The following PIK3C2B variants were observed in gnomAD, a reference collection of about 807,000 sequenced individuals.
The protein encoded by PIK3C2B is phosphatidylinositol 4-phosphate 3-kinase C2 domain-containing subunit beta.
Under a neutral mutation model 184.3 loss-of-function variants are expected in PIK3C2B, and 83 were observed. The observed-to-expected ratio is 0.45, with a 90% CI of 0.38 to 0.54. The LOEUF (loss-of-function observed/expected upper bound fraction) is 0.54, where lower values mean the gene tolerates loss of function less well. Among genes scored for constraint, PIK3C2B ranks in the 20% least tolerant of loss-of-function variants. The probability of loss-of-function intolerance (pLI) is 0.00; values close to 1 mark genes in which losing one functional copy is unlikely to be tolerated. For synonymous variants in PIK3C2B, 779 were observed against 837.6 expected, an observed-to-expected ratio of 0.93 and a Z score of 1.21; for missense variants, 1,736 against 2,113.5, an observed-to-expected ratio of 0.82 and a Z score of 3.50.
rs1654125870 is a variant in PIK3C2B, at chr1:204,449,126, A to T, written c.2346+59T>A. Reference sequence around the variant, plus strand: ...CCCAGCCCAAATCTCCAGGAGAAAAATGTAGAGTTGACTGGAATGGTCTTG... The same window carrying T: ...CCCAGCCCAAATCTCCAGGAGAAAATTGTAGAGTTGACTGGAATGGTCTTG... On this transcript the variant is annotated intron_variant, in intron 14 of 32. Transcript: ENST00000684373. 5 of 1,202,646 alleles carry T rather than the reference A, an allele frequency of 4.2e-6. No homozygotes were observed. The Admixed American group carries it at 9.6e-5, about 23-fold the overall frequency. The allele number at this position is 1,202,646 out of a possible 1,614,324, so 74.5% of individuals were successfully genotyped here.
intron 12 of PIK3C2B, among the ~76,000 whole-genome samples, chr1:204,453,861 C>T (rs1018847312): frequency 3.8e-4 from 58 of 151,814 alleles, no homozygotes; most frequent in African/African-American, 1.1e-3. Flanking sequence ...ACAACCTCCA[C>T]CTCCCGGGTT....
In PIK3C2B at chr1:204,449,890, C is replaced by T. The variant is rs772038601; in HGVS notation, c.2194G>A (p.Ala732Thr). Residue 732 changes from alanine (A) to threonine (T), a missense_variant, in exon 13 of 33, where the codon GCC becomes ACC. Ala to Thr is a moderately conservative substitution (Grantham distance 58). This residue lies in a region of PIK3C2B where 609 missense variants were observed against 699.2 expected (regional missense o/e 0.87). Transcript: ENST00000684373. ...EANKQRRVPEALGWVTTPLFN... is the reference protein window; with the variant it reads ...EANKQRRVPETLGWVTTPLFN... ...AGTGGGGTAGTGACCCAGCCCAGGG[C>T]TTCAGGCACCCGCCGCTGCTTATTG... The T allele has an allele frequency of 3.7e-6, 6 of 1,613,184 alleles. No individual in the cohort carries two copies. Among genetic ancestry groups the T allele is most frequent in the Non-Finnish European group, 5.1e-6 (6 of 1,179,512 alleles).
At chr1:204,451,692 T>C (rs530970905) in intron 12 of PIK3C2B, among the ~76,000 whole-genome samples, 3 of 152,368 alleles carry the variant, frequency 2.0e-5, no homozygotes, top group African/African-American at 4.8e-5. Flanking sequence ...ACTTGCATGA[T>C]GTGTGTGCAG....
At position 204,443,666 on chromosome 1, in the gene PIK3C2B, G is replaced by C. The variant is rs190106646; in HGVS notation, c.2868-69C>G. The C allele has an allele frequency of 1.4e-4, 207 of 1,437,222 alleles. 1 individual carries two copies. The African/African-American group carries it at 2.5e-3, about 18-fold the overall frequency. The allele number at this position is 1,437,222 out of a possible 1,614,324, so 89.0% of individuals were successfully genotyped here. ...AAAGGCAAGGGTACAGGGGGAGACA[G>C]AGTCAGGCCCAGCTCCAACTCACTG... On this transcript the variant is annotated intron_variant, in intron 18 of 32. Coordinates refer to ENST00000684373, the MANE Select transcript of PIK3C2B (RefSeq NM_001377334.1).
intron 5 of PIK3C2B, among the ~76,000 whole-genome samples, chr1:204,463,763 CT>C (rs1202484566): frequency 2.0e-5 from 3 of 151,104 alleles, no homozygotes; most frequent in African/African-American, 7.3e-5. Context: ...CAGATATGAC[CT>C]AGTCTTTGCC....
intron 1 of PIK3C2B, among the ~76,000 whole-genome samples, chr1:204,491,307 T>C (rs772628918): frequency 6.6e-6 from 1 of 151,830 alleles, no homozygotes; most frequent in East Asian, 1.9e-4. Flanking sequence ...AAGAATCCCT[T>C]GAACCTGGGA....
chr1:204,465,086 C>A, intron 3 of PIK3C2B, 133 bp downstream of exon 3: 1 of 668,520 alleles, frequency 1.5e-6, no homozygotes, highest in Admixed American at 2.5e-5. Flanking sequence ...TTGTAGGAAG[C>A]ATTTTCATAG....
chr1:204,452,292 T>TTA (rs975288202), intron 12 of PIK3C2B, among the ~76,000 whole-genome samples: 2 of 127,770 alleles, frequency 1.6e-5, no homozygotes, highest in Non-Finnish European at 3.3e-5. Context: ...AGCACCCTTT[T>TTA]TTTTTTTTTT....
rs917248111 is a variant in PIK3C2B at position 204,469,671 on chromosome 1, C to T, written c.132G>A (p.Lys44=). 6.2e-7 allele frequency: 1 copy of T among 1,613,888 alleles called. No individual in the cohort carries two copies. Among genetic ancestry groups the T allele is most frequent in the African/African-American group, 1.3e-5 (1 of 74,898 alleles). ...YDALSRLRHD[K]EENRAKQNAD... is the part of the protein sequence containing the mutation. ...CGTTCTGCTTGGCTCTGTTCTCCTC[C>T]TTGTCATGCCGGAGCCGGGACAGGG... Residue 44 remains lysine, a synonymous_variant, in exon 2 of 33, where the codon AAG becomes AAA. Transcript: ENST00000684373.
At chr1:204,485,185 A>C (rs2103536108) in intron 1 of PIK3C2B, among the ~76,000 whole-genome samples, 1 of 152,200 alleles carries the variant, frequency 6.6e-6, no homozygotes, top group South Asian at 2.1e-4. Flanking sequence ...AGTGGCTGGA[A>C]TTACAGGGGT....
At chr1:204,427,787 G>A in intron 30 of PIK3C2B, 33 bp from the exon 31 acceptor site, 6 of 1,483,494 alleles carry the variant, frequency 4.0e-6, no homozygotes, top group Non-Finnish European at 4.7e-6. Flanking sequence ...GAAGGGTCAA[G>A]AGGCCAGGCA....
Position 204,438,981 on chromosome 1 carries a change from G to T in PIK3C2B, c.3470C>A (p.Ala1157Glu). 6.2e-7 allele frequency: 1 copy of T among 1,614,072 alleles called. No homozygotes were observed. Among genetic ancestry groups the T allele is most frequent in the Non-Finnish European group, 8.5e-7 (1 of 1,180,038 alleles). ...AGGGTTGTGTTTCTGCAGCCAGTCT[G>T]CCAGGGGCCGGTCCTTGAACGAGCC... ...VTGSFKDRPL[A>E]DWLQKHNPGE... is the part of the protein sequence containing the mutation. The change falls in exon 23 of 33, where the codon GCA becomes GAA. Residue 1157 changes from alanine (A) to glutamate (E), a missense_variant. By Grantham distance (107) the Ala-to-Glu change is moderately radical (BLOSUM62 -1). This residue lies in a region of PIK3C2B where 289 missense variants were observed against 380.4 expected (regional missense o/e 0.76). Coordinates refer to ENST00000684373, the MANE Select transcript of PIK3C2B (RefSeq NM_001377334.1).
At chr1:204,456,080 G>T (rs370419072) in intron 10 of PIK3C2B, 29 bp from the exon 11 acceptor site, 55 of 1,587,114 alleles carry the variant, frequency 3.5e-5, no homozygotes, top group Non-Finnish European at 4.6e-5. Context: ...AGAAGGGAAA[G>T]TCATGAGGCC....
intron 8 of PIK3C2B, among the ~76,000 whole-genome samples, chr1:204,458,742 C>T (rs1319343054): frequency 6.6e-6 from 1 of 152,156 alleles, no homozygotes; most frequent in Non-Finnish European, 1.5e-5. Context: ...GACCCGCCCA[C>T]CTCAGCCTCC....
intron 4 of PIK3C2B, 81 bp from the exon 5 acceptor site, chr1:204,464,213 TTCCAGCTAAGTATTC>T: frequency 6.6e-7 from 1 of 1,512,780 alleles, no homozygotes; most frequent in Middle Eastern, 1.8e-4. Context: ...TGATCCCCCT[TTCCAGCTAAGTATTC>T]TCCAGCACCA....
At chr1:204,476,266 C>A (rs537985504) in intron 1 of PIK3C2B, among the ~76,000 whole-genome samples, 4 of 152,296 alleles carry the variant, frequency 2.6e-5, no homozygotes, top group African/African-American at 9.6e-5. Flanking sequence ...CTCTGTCAGG[C>A]TCTACATTAG....
rs1558258404 is a variant in PIK3C2B at position 204,457,725 on chromosome 1, T to A, written c.1713+3A>T. 1 of 1,602,242 alleles carries A rather than the reference T, an allele frequency of 6.2e-7. No homozygotes were observed. Reference sequence around the variant, plus strand: ...CCCCTGCTAGCACCCTGGGCCCCTTTACCTTCTGAATTTTAGGCTGCATGC... The same window carrying A: ...CCCCTGCTAGCACCCTGGGCCCCTTAACCTTCTGAATTTTAGGCTGCATGC... On this transcript the variant is annotated splice_donor_region_variant and intron_variant, in intron 9 of 32. Transcript: ENST00000684373.
chr1:204,425,588 C>T, intron 32 of PIK3C2B, 25 bp downstream of exon 32: 1 of 1,613,602 alleles, frequency 6.2e-7, no homozygotes, highest in East Asian at 2.2e-5. Context: ...AACCCCTGCC[C>T]TACCCCACCA....
chr1:204,429,786 T>C (rs757095713), intron 29 of PIK3C2B, 135 bp downstream of exon 29: 15 of 664,872 alleles, frequency 2.3e-5, no homozygotes, highest in Non-Finnish European at 3.3e-5. Flanking sequence ...GACTGGAGCA[T>C]TGGTCATTCA....
Sources: allele counts gnomAD v4.1 joint callset (sites outside exome capture counted in the v4.1 genomes callset), GRCh38; gene constraint gnomAD v4.1.1; regional missense constraint gnomAD v4.1.1; transcripts MANE v1.5; gene names NCBI Gene and HGNC (gene_info 2026-07-23, HGNC 2026-07-21).